GPHN: variants seen among roughly 807,000 people sequenced by gnomAD.
The protein encoded by GPHN is gephyrin.
Under a neutral mutation model 95.5 loss-of-function variants are expected in GPHN, and 17 were observed. The ratio of observed to expected loss-of-function variants is 0.18; its 90% CI spans 0.12 to 0.27. GPHN has a LOEUF of 0.27. Ranked by LOEUF, GPHN falls within the 10% of genes least tolerant of loss-of-function variation. GPHN has a pLI of 1.00. For synonymous variants in GPHN, 320 were observed against 322.5 expected, an observed-to-expected ratio of 0.99 and a Z score of 0.08; for missense variants, 660 against 978.1, an observed-to-expected ratio of 0.67 and a Z score of 4.34.
At chr14:67,418,598 G>C in the GPHN span, among the ~76,000 whole-genome samples, 1 of 152,206 alleles carries the variant, frequency 6.6e-6, no homozygotes, top group Non-Finnish European at 1.5e-5. Flanking sequence ...TCTGGGTCCA[G>C]GAATGAAGGT....
At chr14:67,108,581 A>G (rs1481386534) in intron 13 of GPHN, among the ~76,000 whole-genome samples, 1 of 152,162 alleles carries the variant, frequency 6.6e-6, no homozygotes, top group African/African-American at 2.4e-5. Context: ...AATATTAGTT[A>G]TTGGTAGTAT....
intron 11 of GPHN, among the ~76,000 whole-genome samples, chr14:67,065,842 G>A (rs1595002905): frequency 6.6e-6 from 1 of 150,452 alleles, no homozygotes; most frequent in Non-Finnish European, 1.5e-5. Context: ...TTTGCACAGA[G>A]ATGGGTCTCC....
At chr14:67,070,715 A>AAAAATATATAT in intron 11 of GPHN, among the ~76,000 whole-genome samples, 2 of 80,740 alleles carry the variant, frequency 2.5e-5, no homozygotes, top group Non-Finnish European at 3.7e-5. Flanking sequence ...AAAAAAAAAA[A>AAAAATATATAT]ATATATATAT....
At chr14:67,395,662 G>A in the GPHN span, 2,634 of 1,223,948 alleles carry the variant, frequency 2.2e-3, 5 homozygotes, top group Non-Finnish European at 2.5e-3. Context: ...ACGGGGCCCC[G>A]GGAGAATCTA....
At chr14:67,238,943 A>G in the GPHN span, among the ~76,000 whole-genome samples, 8 of 152,288 alleles carry the variant, frequency 5.3e-5, no homozygotes, top group Admixed American at 1.3e-4. Flanking sequence ...ATGCCAGGCC[A>G]TAACTAATAT....
chr14:67,675,848 C>T, the GPHN span, among the ~76,000 whole-genome samples: 6 of 152,024 alleles, frequency 3.9e-5, no homozygotes, highest in Non-Finnish European at 2.9e-5. Context: ...GTCATCCCAG[C>T]ACTTTGGGAG....
the GPHN span, among the ~76,000 whole-genome samples, chr14:67,681,523 C>T: frequency 1.3e-5 from 2 of 152,168 alleles, no homozygotes; most frequent in African/African-American, 4.8e-5. Context: ...TGGCTCATGC[C>T]TATAATCCCA....
chr14:66,637,340 C>T (rs1406865100), intron 1 of GPHN, among the ~76,000 whole-genome samples: 1 of 152,058 alleles, frequency 6.6e-6, no homozygotes, highest in Non-Finnish European at 1.5e-5. Context: ...ATTTTTATAT[C>T]TTTCCACCTT....
chr14:67,051,258 G>A (rs2075294489), intron 10 of GPHN, among the ~76,000 whole-genome samples: 1 of 152,166 alleles, frequency 6.6e-6, no homozygotes. Context: ...GTTTAGAGAG[G>A]AAAATAAATA....
chr14:67,192,435 G>C, the GPHN span, among the ~76,000 whole-genome samples: 8 of 151,890 alleles, frequency 5.3e-5, no homozygotes, highest in African/African-American at 1.9e-4. Flanking sequence ...AGTCACCAAA[G>C]TTAATTATGA....
At chr14:66,806,564 A>G (rs1346580862) in intron 3 of GPHN, among the ~76,000 whole-genome samples, 2 of 152,170 alleles carry the variant, frequency 1.3e-5, no homozygotes, top group Non-Finnish European at 2.9e-5. Context: ...ACAGCACCCA[A>G]GTCACCCATT....
At chr14:66,871,148 A>G (rs2063419376) in intron 4 of GPHN, among the ~76,000 whole-genome samples, 2 of 152,142 alleles carry the variant, frequency 1.3e-5, no homozygotes, top group Admixed American at 1.3e-4. Context: ...GGTTTGTTCT[A>G]CTCACTACTG....
chr14:66,575,979 A>C (rs146577044), intron 1 of GPHN, among the ~76,000 whole-genome samples: 51 of 152,150 alleles, frequency 3.4e-4, no homozygotes, highest in African/African-American at 1.2e-3. Context: ...AGACTGAAGC[A>C]TGGGTCCACA....
intron 1 of GPHN, among the ~76,000 whole-genome samples, chr14:66,679,707 C>T (rs1463452394): frequency 6.6e-6 from 1 of 152,138 alleles, no homozygotes; most frequent in Non-Finnish European, 1.5e-5. Context: ...TTGCTGTATT[C>T]AGTCAGTTAT....
the GPHN span, among the ~76,000 whole-genome samples, chr14:67,491,142 A>G: frequency 6.6e-6 from 1 of 152,112 alleles, no homozygotes; most frequent in African/African-American, 2.4e-5. Flanking sequence ...GGTTCTATTA[A>G]TTTGCTAGGA....
At chr14:67,115,522 C>G (rs576146246) in intron 16 of GPHN, among the ~76,000 whole-genome samples, 11 of 151,942 alleles carry the variant, frequency 7.2e-5, no homozygotes, top group Non-Finnish European at 1.3e-4. Context: ...CGCTTGAGGT[C>G]AGGAGTTCGA....
At chr14:67,594,648 CA>C in the GPHN span, among the ~76,000 whole-genome samples, 320 of 135,596 alleles carry the variant, frequency 2.4e-3, no homozygotes, top group Non-Finnish European at 3.5e-3. Flanking sequence ...TGAGACATCT[CA>C]AAAAAAAAAA....
At chr14:67,579,791 G>A in the GPHN span, 1 of 1,611,982 alleles carries the variant, frequency 6.2e-7, no homozygotes, top group Non-Finnish European at 8.5e-7. Context: ...ATAGGCATGA[G>A]AAAGCCATCC....
chr14:66,674,818 G>A (rs1214949821), intron 1 of GPHN, among the ~76,000 whole-genome samples: 1 of 152,100 alleles, frequency 6.6e-6, no homozygotes, highest in Non-Finnish European at 1.5e-5. Flanking sequence ...TGATTTCCTT[G>A]CTTTTTGATA....
Sources: gnomAD v4.1 joint callset for allele counts (sites outside exome capture counted in the v4.1 genomes callset) on GRCh38, gnomAD v4.1.1 for gene constraint, MANE v1.5 for transcripts, NCBI Gene and HGNC (gene_info 2026-07-23, HGNC 2026-07-21) for gene names.